Variants in PIGU observed in about 807,000 individuals in gnomAD.
The protein encoded by PIGU is GPI-anchor transamidase component PIGU.
PIGU carries 24 observed loss-of-function variants against 49.9 expected under a neutral mutation model. The observed-to-expected ratio is 0.48, with a 90% CI of 0.35 to 0.68. PIGU has a LOEUF of 0.68. Ranked by LOEUF, PIGU falls within the 30% of genes least tolerant of loss-of-function variation. PIGU has a pLI of 0.01. For missense variants in PIGU, 490 were observed against 532.6 expected (o/e 0.92, Z 0.79); for synonymous variants, 220 against 205.7 (o/e 1.07, Z -0.59).
rs775459455 is a variant in PIGU, at chr20:34,634,644, A to G, written c.500T>C (p.Ile167Thr). 6.8e-6 allele frequency: 11 copies of G among 1,613,096 alleles called. No individual in the cohort carries two copies. Among genetic ancestry groups the G allele is most frequent in the Middle Eastern group, 1.6e-4 (1 of 6,080 alleles). ...KSTCAINNTL[I>T]AFFILTTIKG... Reference sequence around the variant, plus strand: ...TATCGTAGTCAAAATGAAGAAAGCAATGAGGGTGTTGTTGATGGCACAGGT... The same window carrying G: ...TATCGTAGTCAAAATGAAGAAAGCAGTGAGGGTGTTGTTGATGGCACAGGT... Residue 167 changes from isoleucine to threonine, a missense_variant, in exon 6 of 12, where the codon ATT becomes ACT. Physicochemically the swap from Ile to Thr is moderately conservative, Grantham distance 89. Transcript: ENST00000217446.
At chr20:34,565,376 C>T (rs372780038) in intron 11 of PIGU, among the ~76,000 whole-genome samples, 7 of 152,244 alleles carry the variant, frequency 4.6e-5, no homozygotes, top group Admixed American at 3.3e-4. Context: ...CTCAGCCTCC[C>T]GAGAAAGCTG....
At chr20:34,646,299 A>G (rs1165764752) in intron 2 of PIGU, among the ~76,000 whole-genome samples, 1 of 152,158 alleles carries the variant, frequency 6.6e-6, no homozygotes, top group African/African-American at 2.4e-5. Context: ...TGTCCATTTC[A>G]TCTAAATTTT....
intron 1 of PIGU, among the ~76,000 whole-genome samples, chr20:34,659,075 T>TG (rs1388089913): frequency 1.1e-4 from 12 of 105,136 alleles, no homozygotes; most frequent in Admixed American, 3.0e-4. Context: ...GGGAGGGAGG[T>TG]GGGGGGGTCA....
Position 34,565,734 on chromosome 20 carries a change from CAG to C in PIGU, c.1195-4757_1195-4756del, listed in dbSNP as rs1491082064. Among the ~76,000 whole-genome samples, 14 of 151,658 alleles carry C rather than the reference CAG, an allele frequency of 9.2e-5. No individual in the cohort carries two copies. In the East Asian group the frequency reaches 1.7e-3, roughly 19 times the overall value. On this transcript the variant is annotated intron_variant, in intron 11 of 11. Transcript: ENST00000217446. The stretch of plus-strand genomic sequence containing the variant: ...ACACACACACACACACACACACACA[CAG>C]GTGCACACACACGCACACTCACACT...
Position 34,560,623 on chromosome 20 carries a change from G to C in PIGU, c.*243C>G, listed in dbSNP as rs1415348242. ...ACCTGCCTCTTCTCCTTCCTGTCTG[G>C]GAGGGGGCTCCTTGGTGTGCAGAGC... On this transcript the variant is annotated 3_prime_UTR_variant, in exon 12 of 12. Coordinates refer to ENST00000217446, the MANE Select transcript of PIGU (RefSeq NM_080476.5). 2.5e-5 allele frequency: 11 copies of C among 441,202 alleles called. No individual in the cohort carries two copies. The highest frequency in any genetic ancestry group is 4.4e-5 in the Non-Finnish European group (11 of 250,140). The allele number at this position is 441,202 out of a possible 1,614,324, so 27.3% of individuals were successfully genotyped here. A position where few individuals can be genotyped will look rare whatever the true frequency, so the allele number is the denominator to read the frequency against.
chr20:34,602,783 C>T (rs1005024158), intron 7 of PIGU, among the ~76,000 whole-genome samples: 6 of 152,040 alleles, frequency 3.9e-5, no homozygotes, highest in Non-Finnish European at 7.4e-5. Flanking sequence ...CTACCAAGGT[C>T]GAGAGAAAGA....
At chr20:34,609,876 C>A (rs1256930808) in intron 7 of PIGU, among the ~76,000 whole-genome samples, 1 of 152,162 alleles carries the variant, frequency 6.6e-6, no homozygotes, top group African/African-American at 2.4e-5. Context: ...ACCCCCAATG[C>A]TGCTGTTCTC....
At chr20:34,567,804 T>TC (rs973625576) in intron 11 of PIGU, among the ~76,000 whole-genome samples, 4 of 44,814 alleles carry the variant, frequency 8.9e-5, no homozygotes, top group Admixed American at 3.3e-4. Context: ...TCCTTCCTCC[T>TC]CTCTCTCTCT....
intron 5 of PIGU, among the ~76,000 whole-genome samples, chr20:34,637,113 A>G (rs935292450): frequency 3.3e-5 from 5 of 152,210 alleles, no homozygotes; most frequent in African/African-American, 9.6e-5. Flanking sequence ...CTGCATAGAC[A>G]TCTAATAGGG....
At chr20:34,643,916 C>A in intron 4 of PIGU, 1 of 255,912 alleles carries the variant, frequency 3.9e-6, no homozygotes, top group Non-Finnish European at 7.7e-6. Context: ...TGAACTTGCA[C>A]AGGTATGTGG....
chr20:34,645,198 AAAAAAGAG>A, intron 3 of PIGU, 69 bp downstream of exon 3: 1 of 1,405,592 alleles, frequency 7.1e-7, no homozygotes. Flanking sequence ...AAAAAAAAAA[AAAAAAGAG>A]AGAGAGAGAC....
intron 4 of PIGU, among the ~76,000 whole-genome samples, chr20:34,643,244 A>T (rs1228272646): frequency 6.6e-6 from 1 of 152,138 alleles, no homozygotes. Context: ...ATATACACAC[A>T]CACACATATA....
intron 1 of PIGU, 127 bp from the exon 2 acceptor site, chr20:34,657,371 T>C: frequency 1.5e-6 from 1 of 657,174 alleles, no homozygotes; most frequent in Non-Finnish European, 2.7e-6. Flanking sequence ...CCCCAGCAAG[T>C]GGCTTTAAGT....
chr20:34,654,185 G>A (rs181969643), intron 2 of PIGU, among the ~76,000 whole-genome samples: 1,253 of 96,872 alleles, frequency 0.013, 278 homozygotes, highest in African/African-American at 0.045. Context: ...TCTCTTGGCC[G>A]GGCACGGTGG....
Position 34,675,103 on chromosome 20 carries a change from C to A in PIGU, c.130+1853G>T, listed in dbSNP as rs185489965. 2.1e-3 allele frequency among the ~76,000 whole-genome samples: 315 copies of A among 151,766 alleles called. 1 individual carries two copies. The highest frequency in any genetic ancestry group is 5.7e-3 in the African/African-American group (236 of 41,400). On this transcript the variant is annotated intron_variant, in intron 1 of 11. Coordinates refer to ENST00000217446, the MANE Select transcript of PIGU (RefSeq NM_080476.5). ...GTCTCTACTAAAAATACAAAATTAG[C>A]CAGGCATGGTGGTGCATGCCTGTAA... is the stretch of plus-strand genomic sequence containing the variant.
intron 6 of PIGU, among the ~76,000 whole-genome samples, chr20:34,619,622 C>G (rs762753141): frequency 1.3e-5 from 2 of 152,156 alleles, no homozygotes; most frequent in Non-Finnish European, 2.9e-5. Context: ...CTGTCTCTCC[C>G]AGAGGAGACA....
At chr20:34,561,380 C>T (rs1203258767) in intron 11 of PIGU, among the ~76,000 whole-genome samples, 1 of 152,206 alleles carries the variant, frequency 6.6e-6, no homozygotes, top group African/African-American at 2.4e-5. Flanking sequence ...CCCCATCTTC[C>T]AGCCAGGTGC....
At chr20:34,667,460 T>C (rs936352037) in intron 1 of PIGU, among the ~76,000 whole-genome samples, 1 of 151,250 alleles carries the variant, frequency 6.6e-6, no homozygotes, top group African/African-American at 2.4e-5. Flanking sequence ...TTCTAGAATG[T>C]AATAAAGTGC....
chr20:34,645,652 T>C (rs1468405813), intron 2 of PIGU, among the ~76,000 whole-genome samples: 1 of 152,132 alleles, frequency 6.6e-6, no homozygotes, highest in East Asian at 1.9e-4. Flanking sequence ...TCCCAGCACT[T>C]TGGGAGGCTG....
Sources: allele counts gnomAD v4.1 joint callset (sites outside exome capture counted in the v4.1 genomes callset), GRCh38; gene constraint gnomAD v4.1.1; transcripts MANE v1.5; gene names NCBI Gene and HGNC (gene_info 2026-07-23, HGNC 2026-07-21).